ZBTB20: variants seen among roughly 807,000 people sequenced by gnomAD.
ZBTB20 encodes the protein zinc finger and BTB domain containing 20.
In ZBTB20, 9 loss-of-function variants were observed where a neutral mutation model predicts 56.9. That is an observed-to-expected ratio of 0.16 (90% CI 0.10 to 0.28). ZBTB20 has a LOEUF of 0.28. Ranked by LOEUF, ZBTB20 falls within the 10% of genes least tolerant of loss-of-function variation. The pLI, the probability that ZBTB20 is intolerant of heterozygous loss-of-function variation, is 1.00. For synonymous variants in ZBTB20, 417 were observed against 420.7 expected (o/e 0.99, Z 0.11); for missense variants, 655 against 1,003.0 (o/e 0.65, Z 4.69).
chr3:114,948,756 G>A (rs562393109), intron 3 of ZBTB20, among the ~76,000 whole-genome samples: 1 of 146,100 alleles, frequency 6.8e-6, no homozygotes, highest in South Asian at 2.1e-4. Context: ...TTGTAGAAAT[G>A]AATCTAACAA....
At chr3:114,912,864 A>G (rs1337193112) in intron 3 of ZBTB20, among the ~76,000 whole-genome samples, 1 of 151,934 alleles carries the variant, frequency 6.6e-6, no homozygotes, top group Non-Finnish European at 1.5e-5. Context: ...CAACATGTTA[A>G]GTTTGTCTTT....
At chr3:114,747,457 G>A (rs910962696) in intron 5 of ZBTB20, among the ~76,000 whole-genome samples, 4 of 152,006 alleles carry the variant, frequency 2.6e-5, no homozygotes, top group Admixed American at 2.6e-4. Flanking sequence ...ATCCCAGTTC[G>A]GGAGGCTGAG....
At chr3:114,801,986 T>C (rs2071755396) in intron 4 of ZBTB20, among the ~76,000 whole-genome samples, 1 of 151,944 alleles carries the variant, frequency 6.6e-6, no homozygotes, top group Admixed American at 6.6e-5. Context: ...ATTATACTAT[T>C]TTTTGAATCA....
At chr3:114,746,436 A>G (rs2067053212) in intron 5 of ZBTB20, among the ~76,000 whole-genome samples, 1 of 151,804 alleles carries the variant, frequency 6.6e-6, no homozygotes, top group Admixed American at 6.6e-5. Context: ...GTTCTAGTAG[A>G]ATTTGGCTGA....
At chr3:114,994,070 T>C (rs1254299540) in intron 2 of ZBTB20, among the ~76,000 whole-genome samples, 2 of 151,790 alleles carry the variant, frequency 1.3e-5, no homozygotes, top group African/African-American at 4.8e-5. Flanking sequence ...TCATTAAATA[T>C]TTAAGAAAGA....
chr3:114,707,927 T>C (rs1249138577), intron 5 of ZBTB20, among the ~76,000 whole-genome samples: 1 of 152,154 alleles, frequency 6.6e-6, no homozygotes, highest in Non-Finnish European at 1.5e-5. Context: ...CCACTATTTA[T>C]ATTGTACCTT....
chr3:114,842,108 A>G (rs760399093), intron 4 of ZBTB20, among the ~76,000 whole-genome samples: 2 of 152,208 alleles, frequency 1.3e-5, no homozygotes, highest in South Asian at 2.1e-4. Context: ...TCTTGAAGAT[A>G]AAAATAATCT....
At chr3:114,728,830 T>C (rs2065501272) in intron 5 of ZBTB20, among the ~76,000 whole-genome samples, 1 of 152,246 alleles carries the variant, frequency 6.6e-6, no homozygotes, top group South Asian at 2.1e-4. Flanking sequence ...ATTTCTCTAA[T>C]GATCAGTGAT....
rs913446965 is a variant in ZBTB20, at chr3:114,904,684, T to G, written c.-455-4342A>C. Among the ~76,000 whole-genome samples, 28 of 152,112 alleles carry G rather than the reference T, an allele frequency of 1.8e-4. 2 individuals are homozygous for G. The South Asian group carries it at 3.1e-3, about 17-fold the overall frequency. On this transcript the variant is annotated intron_variant, in intron 3 of 11. Transcript: ENST00000675478. ...AGAGTAAGAACTATAAATTGTCAAG[T>G]AGACTTGAAAAACTTATGCTTATTT...
At chr3:114,379,475 C>G (rs2084057419) in intron 10 of ZBTB20, among the ~76,000 whole-genome samples, 1 of 152,186 alleles carries the variant, frequency 6.6e-6, no homozygotes, top group African/African-American at 2.4e-5. Context: ...CGTGATTTAT[C>G]AACTTGCTTA....
rs145641498 is a variant in ZBTB20 at position 114,461,208 on chromosome 3, C to T, written c.-255+39144G>A. Among the ~76,000 whole-genome samples the T allele has an allele frequency of 4.8e-3, 731 of 152,126 alleles. 7 individuals carry two copies. The highest frequency in any genetic ancestry group is 0.017 in the African/African-American group (698 of 41,520). On this transcript the variant is annotated intron_variant, in intron 7 of 11. Coordinates refer to ENST00000675478, the MANE Select transcript of ZBTB20 (RefSeq NM_001348800.3). ...TGAGTGCTCTCTTGCTAGACCCCCA[C>T]CCCACATTTTTTTCTGAGCTTTCTT...
At chr3:114,490,021 T>C (rs1296970732) in intron 7 of ZBTB20, among the ~76,000 whole-genome samples, 1 of 152,178 alleles carries the variant, frequency 6.6e-6, no homozygotes, top group East Asian at 1.9e-4. Context: ...ACCTGGAATT[T>C]ATAATTAACC....
chr3:114,935,163 A>C (rs537334197), intron 3 of ZBTB20, among the ~76,000 whole-genome samples: 1 of 152,340 alleles, frequency 6.6e-6, no homozygotes, highest in Admixed American at 6.5e-5. Context: ...AAATACTTTG[A>C]AACAAAGAAT....
At chr3:114,517,588 T>C (rs2046155319) in intron 6 of ZBTB20, among the ~76,000 whole-genome samples, 1 of 152,036 alleles carries the variant, frequency 6.6e-6, no homozygotes, top group Non-Finnish European at 1.5e-5. Flanking sequence ...ATTTCTTTTT[T>C]TTTTTTTTGA....
At chr3:115,021,899 G>T (rs935429536) in intron 2 of ZBTB20, among the ~76,000 whole-genome samples, 2 of 150,690 alleles carry the variant, frequency 1.3e-5, no homozygotes, top group African/African-American at 4.8e-5. Flanking sequence ...GAGACATTTT[G>T]AAAGTGGCTA....
rs1423441688 is a variant in ZBTB20 at position 114,846,530 on chromosome 3, G to A, written c.-416-45356C>T. On this transcript the variant is annotated intron_variant, in intron 4 of 11. Coordinates refer to ENST00000675478, the MANE Select transcript of ZBTB20 (RefSeq NM_001348800.3). ...TTAGGAGGAGGCCTAGTGCAAACAG[G>A]CAAAATTGCTTGGATGAAGGGTAAT... Among the ~76,000 whole-genome samples, 11 of 152,290 alleles carry A rather than the reference G, an allele frequency of 7.2e-5. No individual in the cohort carries two copies. In the East Asian group the frequency reaches 2.1e-3, roughly 29 times the overall value.
chr3:114,491,536 T>C (rs2042752820), intron 7 of ZBTB20, among the ~76,000 whole-genome samples: 1 of 152,158 alleles, frequency 6.6e-6, no homozygotes, highest in South Asian at 2.1e-4. Context: ...CTCCTTTCCT[T>C]TACTCCTCCT....
At chr3:114,648,377 C>CTAA (rs1415659736) in intron 6 of ZBTB20, among the ~76,000 whole-genome samples, 1 of 151,782 alleles carries the variant, frequency 6.6e-6, no homozygotes, top group Non-Finnish European at 1.5e-5. Context: ...ATTTAATGAG[C>CTAA]TAAGTGTCAC....
chr3:114,584,495 C>A (rs1182478974), intron 6 of ZBTB20, among the ~76,000 whole-genome samples: 2 of 151,804 alleles, frequency 1.3e-5, no homozygotes, highest in Non-Finnish European at 2.9e-5. Context: ...ATCTTCACCT[C>A]TTTTTCCAGG....
Sources: gnomAD v4.1 joint callset for allele counts (sites outside exome capture counted in the v4.1 genomes callset) on GRCh38, gnomAD v4.1.1 for gene constraint, MANE v1.5 for transcripts, NCBI Gene and HGNC (gene_info 2026-07-23, HGNC 2026-07-21) for gene names.